Variants in RPA1 observed in about 807,000 individuals in gnomAD.
RPA1 encodes the protein replication protein A 70 kDa DNA-binding subunit.
RPA1 carries 49 observed loss-of-function variants against 83.0 expected under a neutral mutation model. The ratio of observed to expected loss-of-function variants is 0.59; its 90% CI spans 0.47 to 0.75. The LOEUF (loss-of-function observed/expected upper bound fraction) is 0.75. Among genes scored for constraint, RPA1 ranks in the 30% least tolerant of loss-of-function variants. RPA1 has a pLI of 0.00. For missense variants in RPA1, 693 were observed against 776.1 expected (o/e 0.89, Z 1.27); for synonymous variants, 279 against 281.8 (o/e 0.99, Z 0.10).
At chr17:1,866,335 G>C (rs1420748525) in intron 5 of RPA1, among the ~76,000 whole-genome samples, 3 of 146,674 alleles carry the variant, frequency 2.0e-5, no homozygotes, top group African/African-American at 7.6e-5. Flanking sequence ...TTCTTTTTTT[G>C]AGACGGAGTC....
chr17:1,886,674 C>T (rs1057427829), intron 13 of RPA1, among the ~76,000 whole-genome samples: 1 of 150,794 alleles, frequency 6.6e-6, no homozygotes, highest in Non-Finnish European at 1.5e-5. Flanking sequence ...CATGAACCAA[C>T]ATCTGCTGGC....
chr17:1,858,573 C>G (rs1056726671), intron 5 of RPA1: 1 of 633,522 alleles, frequency 1.6e-6, no homozygotes, highest in Non-Finnish European at 2.8e-6. Flanking sequence ...AAGCGATCCT[C>G]CCACATCAGC....
intron 4 of RPA1, among the ~76,000 whole-genome samples, chr17:1,850,192 T>C (rs936610762): frequency 6.7e-6 from 1 of 149,146 alleles, no homozygotes; most frequent in Admixed American, 6.7e-5. Context: ...AAAGATTACC[T>C]AATATTCAAC....
intron 1 of RPA1, among the ~76,000 whole-genome samples, chr17:1,836,578 C>G (rs1911830828): frequency 6.6e-6 from 1 of 152,164 alleles, no homozygotes; most frequent in Admixed American, 6.6e-5. Flanking sequence ...CTGGTTTCTA[C>G]CTTTGTAGGT....
chr17:1,872,579 A>G (rs2151284019), intron 6 of RPA1, 53 bp downstream of exon 6: 3 of 1,594,552 alleles, frequency 1.9e-6, no homozygotes, highest in African/African-American at 1.3e-5. Context: ...CTTCGGAATC[A>G]TGTTTTGAAG....
chr17:1,851,263 ATGTGCG>A (rs1239374336), intron 4 of RPA1, among the ~76,000 whole-genome samples: 4 of 127,020 alleles, frequency 3.1e-5, no homozygotes, highest in East Asian at 2.6e-4. Flanking sequence ...GTGCGTGTGT[ATGTGCG>A]TGTGCGTGTG....
chr17:1,838,854 T>A (rs1451105672), intron 1 of RPA1, among the ~76,000 whole-genome samples: 5 of 152,164 alleles, frequency 3.3e-5, no homozygotes, highest in Non-Finnish European at 7.3e-5. Context: ...TTTATTTTTT[T>A]AATTTTTTAT....
At chr17:1,870,050 A>G (rs1224673690) in intron 5 of RPA1, among the ~76,000 whole-genome samples, 1 of 152,100 alleles carries the variant, frequency 6.6e-6, no homozygotes, top group Non-Finnish European at 1.5e-5. Context: ...CTAGTCATAA[A>G]AGCCTCGGTT....
At chr17:1,868,190 CAG>C (rs1427036078) in intron 5 of RPA1, among the ~76,000 whole-genome samples, 1 of 152,124 alleles carries the variant, frequency 6.6e-6, no homozygotes, top group Non-Finnish European at 1.5e-5. Context: ...TGTTAAAGCT[CAG>C]GGGGATAAGA....
At chr17:1,840,028 A>G (rs980447952) in intron 1 of RPA1, among the ~76,000 whole-genome samples, 2 of 151,826 alleles carry the variant, frequency 1.3e-5, no homozygotes, top group African/African-American at 2.4e-5. Flanking sequence ...CCTGACCTCA[A>G]GCGATCCTCC....
intron 1 of RPA1, among the ~76,000 whole-genome samples, chr17:1,833,108 G>T (rs571661441): frequency 1.8e-4 from 28 of 152,162 alleles, no homozygotes; most frequent in Non-Finnish European, 5.9e-5. Context: ...TGTATTTTTA[G>T]TAGAGACAGG....
chr17:1,892,986 T>C (rs1263559095), intron 15 of RPA1, among the ~76,000 whole-genome samples: 5 of 152,204 alleles, frequency 3.3e-5, no homozygotes, highest in Admixed American at 6.5e-5. Flanking sequence ...TCCAAATTGG[T>C]TGGAATACTT....
At chr17:1,895,417 T>C (rs1173405374) in intron 16 of RPA1, among the ~76,000 whole-genome samples, 1 of 151,560 alleles carries the variant, frequency 6.6e-6, no homozygotes, top group Non-Finnish European at 1.5e-5. Context: ...TTATAACGCA[T>C]GCAGTAGAGT....
intron 6 of RPA1, 130 bp downstream of exon 6, chr17:1,872,656 A>G: frequency 7.9e-7 from 1 of 1,264,800 alleles, no homozygotes; most frequent in South Asian, 1.5e-5. Flanking sequence ...TGGAAAGAAT[A>G]ATTCTGATTC....
Position 1,842,844 on chromosome 17 carries a change from C to T in RPA1, c.75C>T (p.Leu25=). Residue 25 remains leucine (L), a synonymous_variant, in exon 2 of 17, where the codon CTC becomes CTT. Transcript: ENST00000254719. ...GGGATACAAACATAAAGCCCATCCTCCAAGTCATCGTAAGTACCTGCGTAT... is the reference window on the plus strand; with the variant it reads ...GGGATACAAACATAAAGCCCATCCTTCAAGTCATCGTAAGTACCTGCGTAT... ...QKGDTNIKPI[L]QVINIRPITT... 4 of 1,614,124 alleles carry T rather than the reference C, an allele frequency of 2.5e-6. No individual in the cohort carries two copies. The highest frequency in any genetic ancestry group is 3.4e-6 in the Non-Finnish European group (4 of 1,179,990).
intron 11 of RPA1, among the ~76,000 whole-genome samples, 159 bp downstream of exon 11, chr17:1,879,858 A>C (rs1913716583): frequency 6.7e-6 from 1 of 148,726 alleles, no homozygotes; most frequent in Admixed American, 6.7e-5. Flanking sequence ...CAGCACACAC[A>C]GGAGGAGCTC....
intron 5 of RPA1, among the ~76,000 whole-genome samples, chr17:1,870,818 T>C (rs1447968497): frequency 1.3e-5 from 2 of 152,204 alleles, no homozygotes; most frequent in African/African-American, 2.4e-5. Flanking sequence ...TTTTCTAGTT[T>C]AGTGGTTTTG....
intron 5 of RPA1, among the ~76,000 whole-genome samples, chr17:1,853,888 C>G (rs887299494): frequency 1.1e-4 from 16 of 152,280 alleles, no homozygotes; most frequent in Middle Eastern, 3.4e-3. Context: ...GCACTGGTAG[C>G]TTTTAGAATT....
Position 1,830,070 on chromosome 17 carries a change from C to T in RPA1, c.-24C>T, listed in dbSNP as rs779547133. ...GAAGCTGGAGCTGTTGCGGGGTCCGCGGGGAAGTCTTGGCGGTGGAGCCAT... is the reference window on the plus strand; with the variant it reads ...GAAGCTGGAGCTGTTGCGGGGTCCGTGGGGAAGTCTTGGCGGTGGAGCCAT... On this transcript the variant is annotated 5_prime_UTR_variant, in exon 1 of 17. Transcript: ENST00000254719. 32 of 1,249,316 alleles carry T rather than the reference C, an allele frequency of 2.6e-5. No individual in the cohort carries two copies. In the African/African-American group the frequency reaches 4.7e-4, roughly 18 times the overall value. The allele number at this position is 1,249,316 out of a possible 1,614,324, so 77.4% of individuals were successfully genotyped here.
Sources: allele counts gnomAD v4.1 joint callset (sites outside exome capture counted in the v4.1 genomes callset), GRCh38; gene constraint gnomAD v4.1.1; transcripts MANE v1.5; gene names NCBI Gene and HGNC (gene_info 2026-07-23, HGNC 2026-07-21).